CNBD1: variants seen among roughly 807,000 people sequenced by gnomAD.
CNBD1 encodes the protein cyclic nucleotide binding domain containing 1.
In CNBD1, 71 loss-of-function variants were observed where a neutral mutation model predicts 54.4. That is an observed-to-expected ratio of 1.30 (90% CI 1.08 to 1.59). CNBD1 has a LOEUF of 1.59. CNBD1 is among the 40% of genes most tolerant of loss of function. The probability of loss-of-function intolerance (pLI) is 0.00; values close to 1 mark genes in which losing one functional copy is unlikely to be tolerated. For synonymous variants in CNBD1, 182 were observed against 170.7 expected, an observed-to-expected ratio of 1.07 and a Z score of -0.51; for missense variants, 659 against 518.0, an observed-to-expected ratio of 1.27 and a Z score of -2.64.
Position 87,111,698 on chromosome 8 carries a change from G to A in CNBD1, c.432-94295G>A, listed in dbSNP as rs148842714. Among the ~76,000 whole-genome samples the A allele has an allele frequency of 4.6e-5, 7 of 152,200 alleles. No individual in the cohort carries two copies. The East Asian group carries it at 1.4e-3, about 29-fold the overall frequency. ...ATCTCTTTGGGTTATATAGTAAGTA[G>A]TACTCTCGTTCAGTGCTCATGTATC... On this transcript the variant is annotated intron_variant, in intron 4 of 10. Transcript: ENST00000518476.
At chr8:86,954,490 C>A (rs1586159316) in intron 4 of CNBD1, among the ~76,000 whole-genome samples, 1 of 152,136 alleles carries the variant, frequency 6.6e-6, no homozygotes. Flanking sequence ...TTTTTACAAA[C>A]CTTGCATAAC....
chr8:87,142,642 TTG>T (rs1372656957), intron 4 of CNBD1, among the ~76,000 whole-genome samples: 1 of 152,186 alleles, frequency 6.6e-6, no homozygotes, highest in Non-Finnish European at 1.5e-5. Flanking sequence ...AAAGTGTACA[TTG>T]TGTCTCTCTC....
At chr8:87,288,555 A>G (rs1483678568) in intron 8 of CNBD1, among the ~76,000 whole-genome samples, 1 of 152,088 alleles carries the variant, frequency 6.6e-6, no homozygotes, top group African/African-American at 2.4e-5. Flanking sequence ...ATTACTAATG[A>G]TAATCTGTCT....
At chr8:87,083,255 A>C (rs1395749612) in intron 4 of CNBD1, among the ~76,000 whole-genome samples, 2 of 152,280 alleles carry the variant, frequency 1.3e-5, no homozygotes, top group African/African-American at 4.8e-5. Flanking sequence ...ACAAATTTGC[A>C]CCTGTATATA....
intron 2 of CNBD1, among the ~76,000 whole-genome samples, chr8:87,401,522 A>G (rs908962539): frequency 6.6e-6 from 1 of 152,054 alleles, no homozygotes; most frequent in African/African-American, 2.4e-5. Flanking sequence ...TGTGCTAATG[A>G]ACATTATGCA....
At chr8:87,297,234 TTAATA>T (rs1188828746) in intron 8 of CNBD1, among the ~76,000 whole-genome samples, 3 of 151,862 alleles carry the variant, frequency 2.0e-5, no homozygotes, top group African/African-American at 4.8e-5. Flanking sequence ...CATAACTAAT[TTAATA>T]TGTGACCAAC....
intron 4 of CNBD1, among the ~76,000 whole-genome samples, chr8:87,081,840 A>G (rs78145473): frequency 0.032 from 4,843 of 152,172 alleles, 267 homozygotes; most frequent in African/African-American, 0.11. Flanking sequence ...AATTAATTCA[A>G]ATAGGCTGAT....
intron 4 of CNBD1, among the ~76,000 whole-genome samples, chr8:87,202,459 A>C (rs1176917416): frequency 6.6e-6 from 1 of 152,212 alleles, no homozygotes; most frequent in Non-Finnish European, 1.5e-5. Flanking sequence ...CTGATAAAAC[A>C]ACAAGCCCAA....
intron 8 of CNBD1, among the ~76,000 whole-genome samples, chr8:87,344,292 A>G (rs1045716779): frequency 2.0e-5 from 3 of 152,094 alleles, no homozygotes; most frequent in African/African-American, 7.2e-5. Context: ...TAAGGGTAAA[A>G]TAATAGTTTC....
chr8:87,298,006 A>G (rs1210797400), intron 8 of CNBD1, among the ~76,000 whole-genome samples: 2 of 151,648 alleles, frequency 1.3e-5, no homozygotes, highest in East Asian at 3.9e-4. Flanking sequence ...AGACATTAAC[A>G]TATTAATAAG....
intron 4 of CNBD1, among the ~76,000 whole-genome samples, chr8:87,059,270 C>T (rs1401984460): frequency 6.6e-6 from 1 of 152,196 alleles, no homozygotes; most frequent in East Asian, 1.9e-4. Flanking sequence ...TTCAAAGTCT[C>T]TAGGAACTTC....
chr8:87,347,606 G>A (rs536836303), intron 8 of CNBD1, among the ~76,000 whole-genome samples: 3 of 152,262 alleles, frequency 2.0e-5, no homozygotes, highest in African/African-American at 4.8e-5. Flanking sequence ...GAGTAGTCAC[G>A]GTGATCTCAT....
At position 87,230,825 on chromosome 8, in the gene CNBD1, G is replaced by A. The variant is rs544618485; in HGVS notation, c.578-6094G>A. On this transcript the variant is annotated intron_variant, in intron 5 of 10. Coordinates refer to ENST00000518476, the MANE Select transcript of CNBD1 (RefSeq NM_173538.3). ...TTAAGGAGTCATTTATTTAGGAATA[G>A]CCAATCAACCCACTTGTCATTAAGA... is the stretch of plus-strand genomic sequence containing the variant. Among the ~76,000 whole-genome samples, 169 of 152,254 alleles carry A rather than the reference G, an allele frequency of 1.1e-3. 1 individual carries two copies. The highest frequency in any genetic ancestry group is 3.9e-3 in the African/African-American group (162 of 41,548).
intron 5 of CNBD1, among the ~76,000 whole-genome samples, chr8:87,223,191 C>A (rs1241886776): frequency 6.7e-6 from 1 of 150,236 alleles, no homozygotes; most frequent in African/African-American, 2.4e-5. Flanking sequence ...CTTTACCTCC[C>A]CACCTTTTTG....
At chr8:87,357,052 G>A (rs552042303) in intron 10 of CNBD1, among the ~76,000 whole-genome samples, 1 of 152,208 alleles carries the variant, frequency 6.6e-6, no homozygotes, top group Non-Finnish European at 1.5e-5. Context: ...CTTCCACATG[G>A]AGTTGGGTCT....
chr8:86,907,880 C>G (rs567080856), intron 3 of CNBD1, among the ~76,000 whole-genome samples: 1 of 152,206 alleles, frequency 6.6e-6, no homozygotes, highest in Non-Finnish European at 1.5e-5. Flanking sequence ...GATGAGGAAA[C>G]TTTCATGTTA....
intron 8 of CNBD1, among the ~76,000 whole-genome samples, chr8:87,338,410 G>T (rs916413049): frequency 6.6e-6 from 1 of 151,896 alleles, no homozygotes; most frequent in Non-Finnish European, 1.5e-5. Context: ...TTGTTTCCTC[G>T]TTACTTTTGA....
chr8:87,302,515 A>T (rs557014342), intron 8 of CNBD1, among the ~76,000 whole-genome samples: 9 of 152,082 alleles, frequency 5.9e-5, no homozygotes, highest in African/African-American at 2.2e-4. Context: ...ATTTATGACA[A>T]ACCCACAGCC....
chr8:87,208,489 A>T (rs938238207), intron 5 of CNBD1, among the ~76,000 whole-genome samples: 4 of 151,890 alleles, frequency 2.6e-5, no homozygotes, highest in Non-Finnish European at 5.9e-5. Context: ...CTCTATATAC[A>T]TGTGTACGTA....
Sources: gnomAD v4.1 joint callset for allele counts (sites outside exome capture counted in the v4.1 genomes callset) on GRCh38, gnomAD v4.1.1 for gene constraint, MANE v1.5 for transcripts, NCBI Gene and HGNC (gene_info 2026-07-23, HGNC 2026-07-21) for gene names.